Variants in NUB1 observed in about 807,000 individuals in gnomAD.
NUB1 encodes the protein negative regulator of ubiquitin like proteins 1.
NUB1 carries 41 observed loss-of-function variants against 77.1 expected under a neutral mutation model. The ratio of observed to expected loss-of-function variants is 0.53; its 90% CI spans 0.41 to 0.69. The LOEUF is 0.69. Ranked by LOEUF, NUB1 falls within the 30% of genes least tolerant of loss-of-function variation. The pLI is 0.00. For synonymous variants in NUB1, 257 were observed against 281.0 expected, an observed-to-expected ratio of 0.91 and a Z score of 0.85; for missense variants, 643 against 743.8, an observed-to-expected ratio of 0.86 and a Z score of 1.58.
rs372366660 is a variant in NUB1, at chr7:151,366,987, C to T, written c.849C>T (p.Leu283=). The change falls in exon 9 of 15, where the codon CTC becomes CTT. Residue 283 remains leucine (L), a synonymous_variant. Coordinates refer to ENST00000568733, the MANE Select transcript of NUB1 (RefSeq NM_001243351.2). The part of the protein sequence containing the change: ...LLDTVDNYAV[L]QLDIVWCYFR... ...ACACAGTGGATAACTACGCCGTCCT[C>T]CAGCTGGATATAGTGTGGTGTTACT... 1.9e-6 allele frequency: 3 copies of T among 1,613,402 alleles called. No individual in the cohort carries two copies. The African/African-American group carries it at 4.0e-5, about 22-fold the overall frequency.
At position 151,368,845 on chromosome 7, in the gene NUB1, G is replaced by T; in HGVS notation, c.1206G>T (p.Gly402=). The T allele has an allele frequency of 6.2e-7, 1 of 1,613,970 alleles. No individual in the cohort carries two copies. The highest frequency in any genetic ancestry group is 8.5e-7 in the Non-Finnish European group (1 of 1,179,870). Residue 402 remains glycine, a synonymous_variant, in exon 11 of 15, where the codon GGG becomes GGT. Coordinates refer to ENST00000568733, the MANE Select transcript of NUB1 (RefSeq NM_001243351.2). ...EARLGLRACD[G]NVDHAATHIT... The stretch of plus-strand genomic sequence containing the variant: ...GGCTTGGCCTGAGGGCGTGTGATGG[G>T]AACGTGGATCATGCGGCCACTCATA...
chr7:151,361,147 G>A (rs1430512182), intron 8 of NUB1: 1 of 152,132 alleles, frequency 6.6e-6, no homozygotes, highest in Non-Finnish European at 1.5e-5. Flanking sequence ...TTTATATGTG[G>A]AGGTACAATT....
chr7:151,351,670 G>A (rs1357549579), intron 4 of NUB1, among the ~76,000 whole-genome samples, 188 bp downstream of exon 4: 2 of 152,132 alleles, frequency 1.3e-5, no homozygotes, highest in Non-Finnish European at 2.9e-5. Context: ...GGCAAAGTGA[G>A]GACTCAAGAC....
At chr7:151,357,433 C>T (rs1411541507) in intron 7 of NUB1, among the ~76,000 whole-genome samples, 3 of 151,718 alleles carry the variant, frequency 2.0e-5, no homozygotes, top group Non-Finnish European at 4.4e-5. Flanking sequence ...CCCTTGGGGG[C>T]CTCTATAGCA....
At chr7:151,344,937 T>C (rs1055805984) in intron 1 of NUB1, among the ~76,000 whole-genome samples, 7 of 152,082 alleles carry the variant, frequency 4.6e-5, no homozygotes, top group Non-Finnish European at 7.3e-5. Flanking sequence ...GGGGCGGAGC[T>C]TGCAGTGAGC....
chr7:151,352,313 T>C lies in NUB1; in HGVS notation c.345-499T>C, dbSNP rs190495011. 4.2e-4 allele frequency: 147 copies of C among 352,546 alleles called. 1 individual carries two copies. In the Admixed American group the frequency reaches 5.1e-3, roughly 12 times the overall value. The allele number at this position is 352,546 out of a possible 1,614,324, so 21.8% of individuals were successfully genotyped here. A position where few individuals can be genotyped will look rare whatever the true frequency, so the allele number is the denominator to read the frequency against. On this transcript the variant is annotated intron_variant, in intron 4 of 14. Transcript: ENST00000568733. ...AAAACGGAAAGTTTAAAAAGGACCT[T>C]GTCTCCTACAGTTTCAAATAGCCGT...
In NUB1 at chr7:151,376,614, A is replaced by AC. The variant is rs770429500; in HGVS notation, c.1492-16dup. On this transcript the variant is annotated intron_variant, in intron 13 of 14. Coordinates refer to ENST00000568733, the MANE Select transcript of NUB1 (RefSeq NM_001243351.2). ...AGAGGCGCCAGGGGCTGATGCTGTG[A>AC]CCCCTGCGCTCTCCCCTAGTTGGTG... The AC allele has an allele frequency of 2.5e-6, 4 of 1,581,882 alleles. No individual in the cohort carries two copies. The highest frequency in any genetic ancestry group is 2.3e-5 in the South Asian group (2 of 88,110).
rs1389717336 is a variant in NUB1, at chr7:151,377,209, C to T, written c.1832C>T (p.Ala611Val). 1.2e-5 allele frequency: 19 copies of T among 1,546,180 alleles called. No homozygotes were observed. Among genetic ancestry groups the T allele is most frequent in the East Asian group, 2.3e-5 (1 of 43,380 alleles). Residue 611 changes from alanine to valine, a missense_variant, in exon 15 of 15, where the codon GCA (alanine) becomes GTA (valine). Coordinates refer to ENST00000568733, the MANE Select transcript of NUB1 (RefSeq NM_001243351.2). ...YLSYVENRKSATKKN is the reference protein window; with the variant it reads ...YLSYVENRKSVTKKN ...TCCTATGTAGAAAATAGGAAGTCAG[C>T]AACAAAGAAAAACTAAATAATGAAC...
intron 11 of NUB1, among the ~76,000 whole-genome samples, chr7:151,372,274 T>C (rs1301632479): frequency 6.6e-6 from 1 of 152,250 alleles, no homozygotes; most frequent in Non-Finnish European, 1.5e-5. Flanking sequence ...TACTTTATCT[T>C]TCTAACTCAT....
intron 3 of NUB1, among the ~76,000 whole-genome samples, chr7:151,350,854 T>C (rs1796760712): frequency 6.6e-6 from 1 of 152,144 alleles, no homozygotes; most frequent in Non-Finnish European, 1.5e-5. Flanking sequence ...AGTCCAAATG[T>C]CCATCAACAG....
chr7:151,350,599 G>A (rs1796749581), intron 3 of NUB1, among the ~76,000 whole-genome samples: 1 of 152,226 alleles, frequency 6.6e-6, no homozygotes, highest in Non-Finnish European at 1.5e-5. Flanking sequence ...AAAGATTATT[G>A]TAATATTGAA....
intron 12 of NUB1, chr7:151,374,571 G>A (rs949096876): frequency 2.5e-6 from 1 of 407,280 alleles, no homozygotes; most frequent in Non-Finnish European, 4.5e-6. Context: ...AGAAAAAAGA[G>A]AATGGGAATT....
At chr7:151,351,210 G>C (rs1242762452) in intron 3 of NUB1, 1 of 542,438 alleles carries the variant, frequency 1.8e-6, no homozygotes, top group Non-Finnish European at 3.3e-6. Context: ...AGCCCTGCCT[G>C]GTGGTGCCAC....
chr7:151,376,080 C>G, intron 13 of NUB1, 137 bp downstream of exon 13: 1 of 676,506 alleles, frequency 1.5e-6, no homozygotes, highest in Non-Finnish European at 2.7e-6. Context: ...TGTAACCTGC[C>G]CACCTCAGAG....
chr7:151,377,785 A>G lies in NUB1; in HGVS notation c.*560A>G, dbSNP rs1161009526. On this transcript the variant is annotated 3_prime_UTR_variant, in exon 15 of 15. Transcript: ENST00000568733. ...ATGAGGCGCTGGCCTTGGGGGCCAC[A>G]CCAGGTCGCAGCAAATGGCTTCAGC... The G allele has an allele frequency of 6.6e-6, 1 of 152,242 alleles. No homozygotes were observed. Among genetic ancestry groups the G allele is most frequent in the Non-Finnish European group, 1.5e-5 (1 of 68,072 alleles). The allele number at this position is 152,242 out of a possible 1,614,324, so 9.4% of individuals were successfully genotyped here.
intron 7 of NUB1, 88 bp downstream of exon 7, chr7:151,356,310 G>T: frequency 3.2e-6 from 3 of 950,436 alleles, no homozygotes; most frequent in Non-Finnish European, 5.0e-6. Flanking sequence ...TGGAAGTGTT[G>T]TAAAGGGTTG....
At chr7:151,342,634 T>G (rs1028319328) in intron 1 of NUB1, among the ~76,000 whole-genome samples, 5 of 152,246 alleles carry the variant, frequency 3.3e-5, no homozygotes, top group Non-Finnish European at 1.5e-5. Flanking sequence ...ACTTAAAATA[T>G]GTCGCCACTT....
Position 151,377,264 on chromosome 7 carries a change from T to C in NUB1, c.*39T>C, listed in dbSNP as rs779473734. The C allele has an allele frequency of 5.9e-6, 8 of 1,363,930 alleles. No individual in the cohort carries two copies. The highest frequency in any genetic ancestry group is 1.5e-5 in the African/African-American group (1 of 68,804). 84.5% of individuals were successfully genotyped at this position (1,363,930 alleles called of 1,614,324 possible). ...ATAGCGCTAATTTTCTGCTTATAAA[T>C]GCTATCATTATGAAAAGGCTAATGC... On this transcript the variant is annotated 3_prime_UTR_variant, in exon 15 of 15. Coordinates refer to ENST00000568733, the MANE Select transcript of NUB1 (RefSeq NM_001243351.2).
At chr7:151,374,942 C>T (rs1584975482) in intron 12 of NUB1, among the ~76,000 whole-genome samples, 1 of 151,482 alleles carries the variant, frequency 6.6e-6, no homozygotes, top group East Asian at 1.9e-4. Context: ...GGCAGCAGTC[C>T]AGACAGATGC....
Sources: allele counts gnomAD v4.1 joint callset (sites outside exome capture counted in the v4.1 genomes callset), GRCh38; gene constraint gnomAD v4.1.1; transcripts MANE v1.5; gene names NCBI Gene and HGNC (gene_info 2026-07-23, HGNC 2026-07-21).